The following CNTNAP5 variants were observed in gnomAD, a reference collection of about 807,000 sequenced individuals.
The protein encoded by CNTNAP5 is contactin associated protein family member 5.
In CNTNAP5, 72 loss-of-function variants were observed where a neutral mutation model predicts 150.2. The ratio of observed to expected loss-of-function variants is 0.48; its 90% CI spans 0.40 to 0.58. The LOEUF (loss-of-function observed/expected upper bound fraction) is 0.58. Ranked by LOEUF, CNTNAP5 falls within the 20% of genes least tolerant of loss-of-function variation. CNTNAP5 has a pLI of 0.00. For synonymous variants in CNTNAP5, 672 were observed against 619.8 expected, an observed-to-expected ratio of 1.08 and a Z score of -1.25; for missense variants, 1,636 against 1,626.2, an observed-to-expected ratio of 1.01 and a Z score of -0.10.
intron 21 of CNTNAP5, 112 bp downstream of exon 21, chr2:124,869,874 A>G: frequency 1.8e-6 from 1 of 546,162 alleles, no homozygotes; most frequent in Non-Finnish European, 3.2e-6. Context: ...CTCCCATAAT[A>G]TCTGAGATCT....
At chr2:124,246,875 C>T (rs1573864631) in intron 3 of CNTNAP5, among the ~76,000 whole-genome samples, 1 of 152,074 alleles carries the variant, frequency 6.6e-6, no homozygotes, top group Non-Finnish European at 1.5e-5. Flanking sequence ...GCAGTTTTCT[C>T]TTATTAAAAT....
chr2:124,515,288 G>C (rs1051999115), intron 8 of CNTNAP5, among the ~76,000 whole-genome samples: 1 of 152,236 alleles, frequency 6.6e-6, no homozygotes, highest in South Asian at 2.1e-4. Flanking sequence ...GGGGCAGAGC[G>C]GGGGGTGTCC....
chr2:124,693,449 A>G (rs1679339211), intron 13 of CNTNAP5, among the ~76,000 whole-genome samples: 2 of 152,212 alleles, frequency 1.3e-5, no homozygotes, highest in East Asian at 3.9e-4. Flanking sequence ...AAGTCATAGA[A>G]ACCTCTTTAG....
Position 124,713,315 on chromosome 2 carries a change from T to TTTCC in CNTNAP5, c.2078-33911_2078-33908dup, listed in dbSNP as rs746657800. On this transcript the variant is annotated intron_variant, in intron 13 of 23. Transcript: ENST00000682447. The stretch of plus-strand genomic sequence containing the variant: ...TTTCTTTCTTTCTTCTTTCTCTTTC[T>TTTCC]TTCCTTTCTTTCTTTCTTTCTTTCT... 9.4e-4 allele frequency among the ~76,000 whole-genome samples: 91 copies of TTTCC among 96,754 alleles called. 3 individuals carry two copies. The highest frequency in any genetic ancestry group is 1.4e-3 in the East Asian group (4 of 2,946). The allele number at this position is 96,754 out of a possible 152,430, so 63.5% of individuals were successfully genotyped here.
chr2:124,729,963 T>G (rs929182732), intron 13 of CNTNAP5, among the ~76,000 whole-genome samples: 4 of 152,238 alleles, frequency 2.6e-5, no homozygotes, highest in Middle Eastern at 3.4e-3. Flanking sequence ...TCGTATTGAC[T>G]GAGATCCTAG....
intron 3 of CNTNAP5, among the ~76,000 whole-genome samples, chr2:124,357,624 C>T (rs1432484360): frequency 1.3e-3 from 192 of 142,700 alleles, no homozygotes; most frequent in African/African-American, 4.5e-3. Context: ...TGTAGATATG[C>T]GGCATTATTT....
At chr2:124,488,738 A>C (rs763893935) in intron 7 of CNTNAP5, among the ~76,000 whole-genome samples, 2 of 152,216 alleles carry the variant, frequency 1.3e-5, no homozygotes, top group Non-Finnish European at 1.5e-5. Flanking sequence ...TGATGATTAT[A>C]CCAAGATGAA....
intron 8 of CNTNAP5, among the ~76,000 whole-genome samples, chr2:124,509,192 A>G (rs1694495255): frequency 6.6e-6 from 1 of 152,210 alleles, no homozygotes; most frequent in Admixed American, 6.5e-5. Flanking sequence ...CTTTTTAGGA[A>G]GGAAGTAGTT....
chr2:124,363,896 C>T (rs909899895), intron 3 of CNTNAP5, among the ~76,000 whole-genome samples: 6 of 152,132 alleles, frequency 3.9e-5, no homozygotes, highest in African/African-American at 1.4e-4. Context: ...TACAGAATCC[C>T]ATTAATTTTT....
chr2:124,210,387 A>G (rs544384484), intron 1 of CNTNAP5, among the ~76,000 whole-genome samples: 2 of 152,324 alleles, frequency 1.3e-5, no homozygotes, highest in South Asian at 2.1e-4. Flanking sequence ...GTTCTTCAGG[A>G]TAACAAAATA....
chr2:124,649,055 C>T (rs1452525039), intron 13 of CNTNAP5, among the ~76,000 whole-genome samples: 5 of 152,172 alleles, frequency 3.3e-5, no homozygotes, highest in Non-Finnish European at 5.9e-5. Flanking sequence ...TCCTTTTAAG[C>T]ACCAAAAATC....
chr2:124,902,402 G>T (rs1296629232), intron 21 of CNTNAP5, among the ~76,000 whole-genome samples: 1 of 152,108 alleles, frequency 6.6e-6, no homozygotes, highest in Non-Finnish European at 1.5e-5. Flanking sequence ...ATCTTTGGAA[G>T]GACAACATTG....
At chr2:124,661,284 A>T (rs1238494993) in intron 13 of CNTNAP5, among the ~76,000 whole-genome samples, 1 of 152,190 alleles carries the variant, frequency 6.6e-6, no homozygotes, top group Non-Finnish European at 1.5e-5. Flanking sequence ...TCTGTACAAA[A>T]ATATTTTCTC....
chr2:124,715,555 C>A (rs924450933), intron 13 of CNTNAP5, among the ~76,000 whole-genome samples: 1 of 152,090 alleles, frequency 6.6e-6, no homozygotes, highest in Non-Finnish European at 1.5e-5. Context: ...GGTACATGTG[C>A]ACAATGTGCA....
chr2:124,537,164 GC>G (rs1695255062), intron 10 of CNTNAP5, among the ~76,000 whole-genome samples: 1 of 152,070 alleles, frequency 6.6e-6, no homozygotes, highest in Non-Finnish European at 1.5e-5. Context: ...TAAGTAATTT[GC>G]CCAAGGTCAC....
chr2:124,599,216 T>A (rs570613302), intron 11 of CNTNAP5, among the ~76,000 whole-genome samples: 1 of 152,232 alleles, frequency 6.6e-6, no homozygotes, highest in Non-Finnish European at 1.5e-5. Flanking sequence ...GATCGTGGTC[T>A]GCAGTATGAG....
At chr2:124,524,132 A>C (rs1314953254) in intron 8 of CNTNAP5, among the ~76,000 whole-genome samples, 171 bp from the exon 9 acceptor site, 1 of 152,220 alleles carries the variant, frequency 6.6e-6, no homozygotes, top group East Asian at 1.9e-4. Context: ...AGTGGCAAGA[A>C]GAGGAAGAAC....
chr2:124,894,485 C>T (rs1678263170), intron 21 of CNTNAP5, among the ~76,000 whole-genome samples: 1 of 151,300 alleles, frequency 6.6e-6, no homozygotes, highest in Admixed American at 6.6e-5. Context: ...ATTTTTGTTT[C>T]TTTCAGTCCC....
chr2:124,273,290 T>A (rs1215973334), intron 3 of CNTNAP5, among the ~76,000 whole-genome samples: 1 of 152,164 alleles, frequency 6.6e-6, no homozygotes, highest in African/African-American at 2.4e-5. Context: ...ATTATACATA[T>A]GCAAGCTAAA....
Sources: allele counts gnomAD v4.1 joint callset (sites outside exome capture counted in the v4.1 genomes callset), GRCh38; gene constraint gnomAD v4.1.1; transcripts MANE v1.5; gene names NCBI Gene and HGNC (gene_info 2026-07-23, HGNC 2026-07-21).